GDF9: variants seen among roughly 807,000 people sequenced by gnomAD.
GDF9 encodes growth/differentiation factor 9.
Under a neutral mutation model 33.8 loss-of-function variants are expected in GDF9, and 30 were observed. That is an observed-to-expected ratio of 0.89 (90% CI 0.66 to 1.20). The LOEUF (loss-of-function observed/expected upper bound fraction) is 1.20. Ranked by LOEUF, GDF9 falls within the 50% of genes most tolerant of loss-of-function variation. The pLI is 0.00. For synonymous variants in GDF9, 205 were observed against 200.7 expected (o/e 1.02, Z -0.18); for missense variants, 556 against 543.7 (o/e 1.02, Z -0.22).
At chr5:132,863,711 G>C (rs1307091315) in intron 1 of GDF9, among the ~76,000 whole-genome samples, 1 of 152,158 alleles carries the variant, frequency 6.6e-6, no homozygotes, top group African/African-American at 2.4e-5. Context: ...GTTCTTGTAA[G>C]GGCCAACTGT....
chr5:132,861,764 G>A lies in GDF9; in HGVS notation c.1190C>T (p.Pro397Leu). The change falls in exon 2 of 2, where the codon CCA becomes CTA. Residue 397 changes from proline (P) to leucine (L), a missense_variant. Physicochemically the swap from Pro to Leu is moderately conservative, Grantham distance 98 (BLOSUM62 -3). Coordinates refer to ENST00000687138, the MANE Select transcript of GDF9 (RefSeq NM_005260.7). ...PRAVGHRYGS[P>L]VHTMVQNIIY... ...GATGTTCTGTACCATGGTGTGAACT[G>A]GAGAGCCATACCGATGTCCAACTGC... is the stretch of plus-strand genomic sequence containing the variant. 1 of 1,611,260 alleles carries A rather than the reference G, an allele frequency of 6.2e-7. No individual in the cohort carries two copies. The highest frequency in any genetic ancestry group is 1.1e-5 in the South Asian group (1 of 91,040).
Position 132,861,332 on chromosome 5 carries a change from AG to A in GDF9, c.*256del. On this transcript the variant is annotated 3_prime_UTR_variant, in exon 2 of 2. Transcript: ENST00000687138. ...CTATGAAAAGAAAAAAAATCACTCA[AG>A]GAAAAAAATGTAAAGTTCTCCACAA... 2.2e-6 allele frequency: 1 copy of A among 447,062 alleles called. No homozygotes were observed. Among genetic ancestry groups the A allele is most frequent in the Non-Finnish European group, 4.0e-6 (1 of 248,260 alleles). The allele number at this position is 447,062 out of a possible 1,614,324, so 27.7% of individuals were successfully genotyped here.
chr5:132,861,785 A>G lies in GDF9; in HGVS notation c.1169T>C (p.Val390Ala), dbSNP rs138723019. The change falls in exon 2 of 2, where the codon GTT becomes GCT. Residue 390 changes from valine to alanine, a missense_variant. Val to Ala is a moderately conservative substitution (Grantham distance 64). Coordinates refer to ENST00000687138, the MANE Select transcript of GDF9 (RefSeq NM_005260.7). ...RYCKGDCPRAVGHRYGSPVHT... is the reference protein window; with the variant it reads ...RYCKGDCPRAAGHRYGSPVHT... The stretch of plus-strand genomic sequence containing the variant: ...AACTGGAGAGCCATACCGATGTCCA[A>G]CTGCCCTTGGACAGTCCCCTTTACA... 39 of 1,612,538 alleles carry G rather than the reference A, an allele frequency of 2.4e-5. No homozygotes were observed. Among genetic ancestry groups the G allele is most frequent in the Non-Finnish European group, 3.0e-5 (35 of 1,178,606 alleles).
In GDF9 at chr5:132,861,719, G is replaced by T. The variant is rs1303405099; in HGVS notation, c.1235C>A (p.Ser412Tyr). Residue 412 changes from serine (S) to tyrosine (Y), a missense_variant, in exon 2 of 2, where the codon TCC becomes TAC. By Grantham distance (144) the Ser-to-Tyr change is moderately radical. Coordinates refer to ENST00000687138, the MANE Select transcript of GDF9 (RefSeq NM_005260.7). ...TACACATGACGGTCTTGGCACTGAG[G>T]AGTCCAGCTTCTCATAGATGATGTT... The part of the protein sequence containing the change: ...VQNIIYEKLD[S>Y]SVPRPSCVPA... The T allele has an allele frequency of 1.9e-6, 3 of 1,612,234 alleles. No individual in the cohort carries two copies. In the East Asian group the frequency reaches 6.7e-5, roughly 36 times the overall value.
chr5:132,862,542 C>G lies in GDF9; in HGVS notation c.412G>C (p.Val138Leu). The change falls in exon 2 of 2, where the codon GTG becomes CTG. Residue 138 changes from valine to leucine, a missense_variant. Transcript: ENST00000687138. ...CGATCCAGGTTAAATAGCAGTTCCA[C>G]TGATGGAAGGATTCCTAAGAAGAAA... ...GDQVTGILPS[V>L]ELLFNLDRIT... 1 of 1,607,016 alleles carries G rather than the reference C, an allele frequency of 6.2e-7. No homozygotes were observed. The highest frequency in any genetic ancestry group is 8.5e-7 in the Non-Finnish European group (1 of 1,178,944).
chr5:132,864,623 T>C lies in GDF9; in HGVS notation c.-90A>G, dbSNP rs910281094. ...AGCCTAGCTTGGTCTCTTAAATAAATTTCAGGTGTGTGGGTGGACTACGGT... is the reference window on the plus strand; with the variant it reads ...AGCCTAGCTTGGTCTCTTAAATAAACTTCAGGTGTGTGGGTGGACTACGGT... On this transcript the variant is annotated 5_prime_UTR_variant, in exon 1 of 2. Transcript: ENST00000687138. 5.1e-6 allele frequency: 7 copies of C among 1,383,248 alleles called. No individual in the cohort carries two copies. Among genetic ancestry groups the C allele is most frequent in the African/African-American group, 4.3e-5 (3 of 70,154 alleles). 85.7% of individuals were successfully genotyped at this position (1,383,248 alleles called of 1,614,324 possible).
chr5:132,862,849 G>C (rs1759364300), intron 1 of GDF9, among the ~76,000 whole-genome samples: 1 of 151,822 alleles, frequency 6.6e-6, no homozygotes, highest in Non-Finnish European at 1.5e-5. Context: ...TTATTTTTTT[G>C]AGACAGGGTC....
rs564926485 is a variant in GDF9, at chr5:132,863,438, T to C, written c.397+699A>G. Among the ~76,000 whole-genome samples, 222 of 130,032 alleles carry C rather than the reference T, an allele frequency of 1.7e-3. 1 individual carries two copies. The highest frequency in any genetic ancestry group is 6.1e-3 in the African/African-American group (211 of 34,432). 85.3% of individuals were successfully genotyped at this position (130,032 alleles called of 152,430 possible). A position where few individuals can be genotyped will look rare whatever the true frequency, so the allele number is the denominator to read the frequency against. ...GTTTTAAATCAAGAGCTGGTAGATA[T>C]ATACTTTTTTTTTTTTTTTTGAGAC... On this transcript the variant is annotated intron_variant, in intron 1 of 1. Transcript: ENST00000687138.
intron 1 of GDF9, 21 bp downstream of exon 1, chr5:132,864,116 A>G (rs750071041): frequency 1.2e-6 from 2 of 1,613,442 alleles, no homozygotes; most frequent in Non-Finnish European, 1.7e-6. Flanking sequence ...CCACCCAGTT[A>G]ACCAATCTGC....
rs756490110 is a variant in GDF9 at position 132,861,696 on chromosome 5, C to G, written c.1258G>C (p.Val420Leu). 1 of 1,612,444 alleles carries G rather than the reference C, an allele frequency of 6.2e-7. No individual in the cohort carries two copies. The highest frequency in any genetic ancestry group is 8.5e-7 in the Non-Finnish European group (1 of 1,178,414). The change falls in exon 2 of 2, where the codon GTA becomes CTA. Residue 420 changes from valine to leucine, a missense_variant. Transcript: ENST00000687138. ...CTCAAGGGGCTGTATTTGGCAGGTA[C>G]ACATGACGGTCTTGGCACTGAGGAG... ...LDSSVPRPSC[V>L]PAKYSPLSVL...
Position 132,862,528 on chromosome 5 carries a change from A to C in GDF9, c.426T>G (p.Phe142Leu), listed in dbSNP as rs750106022. ...TGILPSVELL[F>L]NLDRITTVEH... ...CAACGGTAGTAATGCGATCCAGGTT[A>C]AATAGCAGTTCCACTGATGGAAGGA... is the stretch of plus-strand genomic sequence containing the variant. Residue 142 changes from phenylalanine to leucine, a missense_variant, in exon 2 of 2, where the codon TTT (phenylalanine) becomes TTG (leucine). Transcript: ENST00000687138. 6.2e-7 allele frequency: 1 copy of C among 1,609,298 alleles called. No homozygotes were observed. The highest frequency in any genetic ancestry group is 2.2e-5 in the East Asian group (1 of 44,882).
upstream of GDF9, chr5:132,866,642 G>C (rs1262112704): frequency 1.0e-5 from 6 of 587,354 alleles, no homozygotes; most frequent in South Asian, 1.2e-4. Context: ...CGGAAATGAC[G>C]AACGAGTCAA....
Position 132,861,945 on chromosome 5 carries a change from AG to A in GDF9, c.1008del (p.Phe337SerfsTer3). Reference protein sequence around the residue: ...SELKKPLGPASFNLSEYFRQF... With the variant: ...SELKKPLGPAXFNLSEYFRQF... ...TGTCTGAAGTATTCACTCAGATTGA[AG>A]GAAGCTGGGCCCAAGGGCTTCTTCA... On this transcript the variant is annotated frameshift_variant, in exon 2 of 2. Transcript: ENST00000687138. LOFTEE classifies it high-confidence loss of function. The A allele has an allele frequency of 6.2e-7, 1 of 1,614,180 alleles. No homozygotes were observed. Among genetic ancestry groups the A allele is most frequent in the Non-Finnish European group, 8.5e-7 (1 of 1,180,000 alleles).
intron 1 of GDF9, among the ~76,000 whole-genome samples, chr5:132,863,802 T>C (rs1210089714): frequency 6.6e-6 from 1 of 152,162 alleles, no homozygotes; most frequent in Non-Finnish European, 1.5e-5. Flanking sequence ...ATCACACCAA[T>C]AGCTGTAAGA....
chr5:132,864,225 A>G lies in GDF9; in HGVS notation c.309T>C (p.Pro103=), dbSNP rs764784870. The change falls in exon 1 of 2, where the codon CCT becomes CCC. Residue 103 remains proline, a synonymous_variant. Transcript: ENST00000687138. ...TGTAGAGGTGACTTCTATTGGATTT[A>G]GGAATCCCTTCCTTGGTAGCATATG... The part of the protein sequence containing the change: ...YKTYATKEGI[P]KSNRSHLYNT... The G allele has an allele frequency of 1.2e-6, 2 of 1,614,212 alleles. No homozygotes were observed. The highest frequency in any genetic ancestry group is 1.7e-6 in the Non-Finnish European group (2 of 1,180,022).
intron 1 of GDF9, 88 bp downstream of exon 1, chr5:132,864,049 G>T: frequency 7.4e-7 from 1 of 1,343,038 alleles, no homozygotes; most frequent in Non-Finnish European, 1.1e-6. Context: ...ACAATTCAAG[G>T]AACTAGGCTC....
Position 132,864,646 on chromosome 5 carries a change from G to T in GDF9, c.-113C>A. On this transcript the variant is annotated 5_prime_UTR_variant, in exon 1 of 2. Coordinates refer to ENST00000687138, the MANE Select transcript of GDF9 (RefSeq NM_005260.7). ...AATTTCAGGTGTGTGGGTGGACTAC[G>T]GTCACTTCTGTAATCAGGCCTCAAG... The T allele has an allele frequency of 9.6e-7, 1 of 1,040,866 alleles. No individual in the cohort carries two copies. The allele number at this position is 1,040,866 out of a possible 1,614,324, so 64.5% of individuals were successfully genotyped here.
intron 1 of GDF9, among the ~76,000 whole-genome samples, chr5:132,863,160 C>T (rs1759379664): frequency 6.6e-6 from 1 of 152,312 alleles, no homozygotes; most frequent in South Asian, 2.1e-4. Flanking sequence ...GCTCCAAACA[C>T]AGAAGCAGCT....
chr5:132,862,118 T>TC lies in GDF9; in HGVS notation c.835_836insG (p.Tyr279Ter). The part of the protein sequence containing the change: ...DTSAQAYHSW[Y>*]SLHYKRRPSQ... ...AGGCCTCCTTTTATAGTGAAGGGAA[T>TC]ACCAGCTGTGATAAGCCTGAGCACT... Residue 279 changes from tyrosine to a stop codon, truncating the protein, a stop_gained and frameshift_variant, in exon 2 of 2, where the codon TAT becomes TGAT. Coordinates refer to ENST00000687138, the MANE Select transcript of GDF9 (RefSeq NM_005260.7). LOFTEE classifies it high-confidence loss of function. The TC allele has an allele frequency of 6.2e-7, 1 of 1,613,376 alleles. No homozygotes were observed. Among genetic ancestry groups the TC allele is most frequent in the Non-Finnish European group, 8.5e-7 (1 of 1,179,298 alleles).
Sources: gnomAD v4.1 joint callset for allele counts (sites outside exome capture counted in the v4.1 genomes callset) on GRCh38, gnomAD v4.1.1 for gene constraint, MANE v1.5 for transcripts, NCBI Gene and HGNC (gene_info 2026-07-23, HGNC 2026-07-21) for gene names.